Variants in CRYL1 observed in about 807,000 individuals in gnomAD.
The protein encoded by CRYL1 is lambda-crystallin homolog.
A neutral mutation model predicts 36.6 loss-of-function variants in CRYL1; 29 were observed. The observed-to-expected ratio is 0.79, with a 90% CI of 0.59 to 1.08. CRYL1 has a LOEUF of 1.08. Among genes scored for constraint, CRYL1 ranks in the 50% least tolerant of loss-of-function variants. The pLI is 0.00. For missense variants in CRYL1, 411 were observed against 407.9 expected (o/e 1.01, Z -0.06); for synonymous variants, 152 against 151.5 (o/e 1.00, Z -0.02).
At chr13:20,430,551 C>A in intron 5 of CRYL1, 1 of 985,398 alleles carries the variant, frequency 1.0e-6, no homozygotes, top group Non-Finnish European at 1.2e-6. Context: ...CAACTCACCC[C>A]TCCGCCTGCC....
At chr13:20,513,931 G>C (rs1210908277) in intron 1 of CRYL1, among the ~76,000 whole-genome samples, 2 of 141,076 alleles carry the variant, frequency 1.4e-5, no homozygotes, top group Non-Finnish European at 3.0e-5. Context: ...AAAAAAAAAC[G>C]CATCGATGGG....
At chr13:20,461,139 G>A (rs1211613285) in intron 3 of CRYL1, among the ~76,000 whole-genome samples, 1 of 152,178 alleles carries the variant, frequency 6.6e-6, no homozygotes, top group Non-Finnish European at 1.5e-5. Flanking sequence ...TCCTCTTCCT[G>A]AATTGCTGGT....
intron 5 of CRYL1, among the ~76,000 whole-genome samples, chr13:20,420,798 T>C (rs1350476422): frequency 6.9e-6 from 1 of 144,482 alleles, no homozygotes; most frequent in Admixed American, 7.3e-5. Flanking sequence ...TGCAGTGGCG[T>C]GATCGCAACT....
chr13:20,509,250 T>TTTTTG (rs10694169), intron 2 of CRYL1, among the ~76,000 whole-genome samples: 142,914 of 146,896 alleles, frequency 0.97, 69,642 homozygotes, highest in Non-Finnish European at 1. Context: ...GCCTCATAGT[T>TTTTTG]TTTTGTTTTG....
rs1250606642 is a variant in CRYL1, at chr13:20,435,259, A to C, written c.439-2963T>G. ...ACAATTATACATTTTAAAAGTAAAA[A>C]ACAGGACTTTGATCATGCCTTCTCC... On this transcript the variant is annotated intron_variant, in intron 4 of 7. Transcript: ENST00000298248. This position sits in a 1 kb window ranked among gnomAD's most constrained non-coding sequence, Gnocchi z 4.0. 6.6e-6 allele frequency among the ~76,000 whole-genome samples: 1 copy of C among 152,202 alleles called. No homozygotes were observed. Among genetic ancestry groups the C allele is most frequent in the Admixed American group, 6.5e-5 (1 of 15,276 alleles).
In CRYL1 at chr13:20,473,529, G is replaced by A. The variant is rs561011033; in HGVS notation, c.276+15841C>T. 2.1e-4 allele frequency among the ~76,000 whole-genome samples: 32 copies of A among 152,352 alleles called. No homozygotes were observed. The East Asian group carries it at 4.0e-3, about 19-fold the overall frequency. On this transcript the variant is annotated intron_variant, in intron 3 of 7. Coordinates refer to ENST00000298248, the MANE Select transcript of CRYL1 (RefSeq NM_015974.3). ...GCGGACCTGGCCAGAGTGGGTGGGC[G>A]GGCGCCAAGGATGGCGCTCCAAAGT... is the stretch of plus-strand genomic sequence containing the variant.
At chr13:20,421,057 C>T (rs2031798456) in intron 5 of CRYL1, among the ~76,000 whole-genome samples, 1 of 12,582 alleles carries the variant, frequency 7.9e-5, no homozygotes, top group African/African-American at 1.3e-4. Flanking sequence ...TAAATAGAAA[C>T]AAACAAACAA....
chr13:20,467,075 G>T (rs2032953928), intron 3 of CRYL1, among the ~76,000 whole-genome samples: 1 of 150,822 alleles, frequency 6.6e-6, no homozygotes, highest in South Asian at 2.1e-4. Flanking sequence ...AGCCTCCTGA[G>T]TAGTTGGGAC....
intron 5 of CRYL1, chr13:20,431,071 A>G: frequency 1.7e-5 from 17 of 985,418 alleles, no homozygotes; most frequent in Non-Finnish European, 2.0e-5. Flanking sequence ...CAGTCAGACA[A>G]TGTACCTAAC....
At chr13:20,446,393 T>A (rs978539750) in intron 3 of CRYL1, among the ~76,000 whole-genome samples, 4 of 152,264 alleles carry the variant, frequency 2.6e-5, no homozygotes, top group Non-Finnish European at 5.9e-5. Context: ...ATTACAGGCA[T>A]GAGCCACTGC....
At chr13:20,413,521 AC>A (rs2031577195) in intron 5 of CRYL1, 134 bp from the exon 6 acceptor site, 1 of 585,564 alleles carries the variant, frequency 1.7e-6, no homozygotes, top group Non-Finnish European at 3.1e-6. Context: ...AGTACCACTT[AC>A]CGAATATGCT....
At chr13:20,414,217 AC>A (rs1300197827) in intron 5 of CRYL1, among the ~76,000 whole-genome samples, 1 of 151,342 alleles carries the variant, frequency 6.6e-6, no homozygotes, top group African/African-American at 2.4e-5. Flanking sequence ...ACACACACAC[AC>A]ACACACACAC....
chr13:20,499,612 A>C (rs2137488805), intron 2 of CRYL1, among the ~76,000 whole-genome samples: 1 of 152,202 alleles, frequency 6.6e-6, no homozygotes, highest in African/African-American at 2.4e-5. Flanking sequence ...AGATCATGCC[A>C]CTGCACTCCA....
intron 4 of CRYL1, among the ~76,000 whole-genome samples, chr13:20,436,993 C>G (rs935010718): frequency 6.6e-6 from 1 of 151,964 alleles, no homozygotes; most frequent in Non-Finnish European, 1.5e-5. Context: ...CTAGAGGTCC[C>G]GTGGGGTGAG....
rs376955646 is a variant in CRYL1, at chr13:20,415,043, C to A, written c.634-1656G>T. On this transcript the variant is annotated intron_variant, in intron 5 of 7. Transcript: ENST00000298248. This position sits in a 1 kb window ranked among gnomAD's most constrained non-coding sequence, Gnocchi z 4.1. ...GAGAGCCCGACCGTGGACGATGCGT[C>A]GCGCCCTTCCCATCGCGGCCTGGGC... Among the ~76,000 whole-genome samples the A allele has an allele frequency of 4.2e-4, 64 of 152,298 alleles. 1 individual carries two copies. The highest frequency in any genetic ancestry group is 1.5e-3 in the African/African-American group (64 of 41,568).
intron 2 of CRYL1, among the ~76,000 whole-genome samples, chr13:20,495,728 C>T (rs1481803373): frequency 6.6e-6 from 1 of 152,320 alleles, no homozygotes; most frequent in South Asian, 2.1e-4. Flanking sequence ...AAGAAGCAAG[C>T]AATCCAAAAG....
intron 6 of CRYL1, 112 bp from the exon 7 acceptor site, chr13:20,404,853 C>T: frequency 1.4e-6 from 1 of 739,890 alleles, no homozygotes; most frequent in Non-Finnish European, 2.3e-6. Context: ...ATAAGCTACA[C>T]TCTTCCCTCC....
chr13:20,476,227 G>A (rs1161930246), intron 3 of CRYL1, among the ~76,000 whole-genome samples: 1 of 152,034 alleles, frequency 6.6e-6, no homozygotes, highest in Non-Finnish European at 1.5e-5. Context: ...GTGGTGGCAT[G>A]TGCCTATAAT....
chr13:20,466,705 T>TGTGTGTGTGA (rs71866943), intron 3 of CRYL1, among the ~76,000 whole-genome samples: 43,656 of 151,282 alleles, frequency 0.29, 7,890 homozygotes, highest in East Asian at 0.64. Flanking sequence ...TGTGTGTGTG[T>TGTGTGTGTGA]GTGTGTAGTT....
Sources: allele counts gnomAD v4.1 joint callset (sites outside exome capture counted in the v4.1 genomes callset), GRCh38; gene constraint gnomAD v4.1.1; non-coding constraint Gnocchi (gnomAD v3.1); transcripts MANE v1.5; gene names NCBI Gene and HGNC (gene_info 2026-07-23, HGNC 2026-07-21).